Variants in CSMD1 observed in about 807,000 individuals in gnomAD.
The protein encoded by CSMD1 is CUB and Sushi multiple domains 1, also known as CUB and sushi domain-containing protein 1.
In CSMD1, 213 loss-of-function variants were observed where a neutral mutation model predicts 417.5. That is an observed-to-expected ratio of 0.51 (90% CI 0.46 to 0.57). CSMD1 has a LOEUF of 0.57. Among genes scored for constraint, CSMD1 ranks in the 20% least tolerant of loss-of-function variants. CSMD1 has a pLI of 0.00. For missense variants in CSMD1, 6,923 were observed against 4,529.7 expected (o/e 1.53, Z -15.17); for synonymous variants, 2,862 against 1,736.8 (o/e 1.65, Z -16.11).
At chr8:3,251,425 C>G (rs1162379638) in intron 26 of CSMD1, among the ~76,000 whole-genome samples, 1 of 152,134 alleles carries the variant, frequency 6.6e-6, no homozygotes, top group Admixed American at 6.5e-5. Context: ...TGGTCTATAT[C>G]TCTGTTTTGG....
intron 3 of CSMD1, among the ~76,000 whole-genome samples, chr8:4,202,622 G>C (rs1212155945): frequency 6.6e-6 from 1 of 152,130 alleles, no homozygotes; most frequent in Non-Finnish European, 1.5e-5. Context: ...TATCATGGTG[G>C]ATATTGTAAA....
intron 2 of CSMD1, among the ~76,000 whole-genome samples, chr8:4,609,169 G>A (rs181643452): frequency 8.0e-4 from 122 of 152,316 alleles, no homozygotes; most frequent in Non-Finnish European, 1.6e-3. Flanking sequence ...GGAGGCTGAG[G>A]TGGGCAGACT....
At chr8:4,069,500 C>G (rs1799433420) in intron 3 of CSMD1, among the ~76,000 whole-genome samples, 1 of 152,130 alleles carries the variant, frequency 6.6e-6, no homozygotes. Context: ...GTGCAGACAG[C>G]CTGACATTTG....
At chr8:4,923,813 A>T (rs1430967244) in intron 1 of CSMD1, among the ~76,000 whole-genome samples, 3 of 152,152 alleles carry the variant, frequency 2.0e-5, no homozygotes, top group African/African-American at 7.2e-5. Context: ...TAATAATTCC[A>T]ATAATGAGTT....
chr8:4,899,844 G>T (rs974519723), intron 1 of CSMD1, among the ~76,000 whole-genome samples: 1 of 152,198 alleles, frequency 6.6e-6, no homozygotes, highest in South Asian at 2.1e-4. Context: ...AGGTCTTGCA[G>T]ATAGCTTTTT....
intron 50 of CSMD1, among the ~76,000 whole-genome samples, chr8:3,042,880 G>A (rs1009573678): frequency 6.6e-6 from 1 of 151,866 alleles, no homozygotes; most frequent in Non-Finnish European, 1.5e-5. Flanking sequence ...GTACTATAGT[G>A]AATATAGTAT....
intron 4 of CSMD1, among the ~76,000 whole-genome samples, chr8:4,027,832 G>C (rs1054099378): frequency 2.6e-5 from 4 of 152,130 alleles, no homozygotes; most frequent in Non-Finnish European, 2.9e-5. Flanking sequence ...AGTATGACTT[G>C]AGATCTACAT....
At chr8:4,543,986 T>A (rs1379158429) in intron 2 of CSMD1, among the ~76,000 whole-genome samples, 2 of 152,194 alleles carry the variant, frequency 1.3e-5, no homozygotes, top group African/African-American at 4.8e-5. Flanking sequence ...CATTGTTTTC[T>A]ATTGAGTTTT....
At chr8:3,735,365 G>C (rs561485982) in intron 6 of CSMD1, among the ~76,000 whole-genome samples, 310 of 152,168 alleles carry the variant, frequency 2.0e-3, no homozygotes, top group African/African-American at 7.2e-3. Flanking sequence ...ATTGACTCAA[G>C]ACTTTTAATC....
At chr8:3,125,831 G>A (rs1817478181) in intron 41 of CSMD1, among the ~76,000 whole-genome samples, 1 of 152,140 alleles carries the variant, frequency 6.6e-6, no homozygotes. Context: ...CCAAAAATTA[G>A]CTGGGCGTGG....
At chr8:4,577,895 G>T (rs1026173097) in intron 2 of CSMD1, among the ~76,000 whole-genome samples, 5 of 152,136 alleles carry the variant, frequency 3.3e-5, no homozygotes, top group African/African-American at 1.2e-4. Context: ...TATAGTAAAT[G>T]TATCAAGTCC....
chr8:4,994,305 C>G (rs750046859), intron 1 of CSMD1, 27 bp downstream of exon 1: 2 of 1,603,192 alleles, frequency 1.2e-6, no homozygotes, highest in African/African-American at 2.7e-5. Flanking sequence ...TCTACCGCCT[C>G]CCCGGCCAGG....
chr8:4,471,368 A>C (rs1207329353), intron 2 of CSMD1, among the ~76,000 whole-genome samples: 2 of 152,184 alleles, frequency 1.3e-5, no homozygotes, highest in Admixed American at 6.5e-5. Context: ...ACATTGGGTT[A>C]GACTATTTCT....
chr8:3,258,931 C>T (rs948570617), intron 26 of CSMD1, among the ~76,000 whole-genome samples: 11 of 152,078 alleles, frequency 7.2e-5, no homozygotes, highest in African/African-American at 1.7e-4. Context: ...ATAGACACTG[C>T]GGTCTCCCGG....
Position 2,962,522 on chromosome 8 carries a change from G to A in CSMD1, c.9572C>T (p.Ser3191Phe), listed in dbSNP as rs756915418. Residue 3191 changes from serine (S) to phenylalanine (F), a missense_variant, in exon 61 of 70, where the codon TCC (serine) becomes TTC (phenylalanine). Physicochemically the swap from Ser to Phe is radical, Grantham distance 155 (BLOSUM62 -2). Coordinates refer to ENST00000635120, the MANE Select transcript of CSMD1 (RefSeq NM_033225.6). The stretch of plus-strand genomic sequence containing the variant: ...GCCGTCAGCTTGGCAGACTCTTCTG[G>A]AGGATCCCACGAGTATAAATGGAGA... Reference protein sequence around the residue: ...CKSPFILVGSSRRVCQADGTW... With the variant: ...CKSPFILVGSFRRVCQADGTW... 2.5e-6 allele frequency: 4 copies of A among 1,613,812 alleles called. No homozygotes were observed. The highest frequency in any genetic ancestry group is 3.4e-6 in the Non-Finnish European group (4 of 1,179,866).
intron 6 of CSMD1, among the ~76,000 whole-genome samples, chr8:3,732,401 T>A (rs991759236): frequency 3.3e-5 from 5 of 152,172 alleles, no homozygotes; most frequent in Non-Finnish European, 7.3e-5. Context: ...AGCTGTACCC[T>A]TCAATGAAAT....
intron 2 of CSMD1, among the ~76,000 whole-genome samples, chr8:4,628,743 G>T (rs1802317663): frequency 6.6e-6 from 1 of 152,092 alleles, no homozygotes; most frequent in Admixed American, 6.6e-5. Flanking sequence ...GAGCCCTCAG[G>T]TGAGTTAGAT....
chr8:3,091,421 G>C (rs971715665), intron 48 of CSMD1, 95 bp downstream of exon 48: 3 of 885,410 alleles, frequency 3.4e-6, no homozygotes, highest in Non-Finnish European at 4.8e-6. Context: ...TAAGAATTAG[G>C]ATTATACTAT....
chr8:3,945,824 G>C (rs1282701351), intron 5 of CSMD1, among the ~76,000 whole-genome samples: 1 of 152,060 alleles, frequency 6.6e-6, no homozygotes, highest in Non-Finnish European at 1.5e-5. Flanking sequence ...CACACATGAG[G>C]TAGTATAAAA....
Sources: allele counts gnomAD v4.1 joint callset (sites outside exome capture counted in the v4.1 genomes callset), GRCh38; gene constraint gnomAD v4.1.1; transcripts MANE v1.5; gene names NCBI Gene and HGNC (gene_info 2026-07-23, HGNC 2026-07-21).